PDZK1: variants seen among roughly 807,000 people sequenced by gnomAD.
The protein encoded by PDZK1 is PDZ domain containing 1, also known as Na(+)/H(+) exchange regulatory cofactor NHE-RF3.
Under a neutral mutation model 38.1 loss-of-function variants are expected in PDZK1, and 23 were observed. That is an observed-to-expected ratio of 0.60 (90% CI 0.43 to 0.85). The LOEUF (loss-of-function observed/expected upper bound fraction) is 0.85. Ranked by LOEUF, PDZK1 falls within the 40% of genes least tolerant of loss-of-function variation. The pLI, the probability that PDZK1 is intolerant of heterozygous loss-of-function variation, is 0.00. For synonymous variants in PDZK1, 98 were observed against 186.2 expected (o/e 0.53, Z 3.86); for missense variants, 297 against 504.3 (o/e 0.59, Z 3.94).
chr1:145,675,162 A>G (rs1653522431), intron 6 of PDZK1, among the ~76,000 whole-genome samples: 1 of 150,386 alleles, frequency 6.6e-6, no homozygotes, highest in African/African-American at 2.5e-5. Flanking sequence ...TAAAGAAATG[A>G]TGATCTTGAA....
At chr1:145,679,997 A>G (rs1403268802) in intron 5 of PDZK1, among the ~76,000 whole-genome samples, 8 of 152,168 alleles carry the variant, frequency 5.3e-5, no homozygotes, top group African/African-American at 2.4e-5. Context: ...AGCTCTGTCT[A>G]CTTTCCCAAA....
Position 145,682,597 on chromosome 1 carries a change from C to T in PDZK1, c.500G>A (p.Gly167Asp). 1 of 1,611,804 alleles carries T rather than the reference C, an allele frequency of 6.2e-7. No individual in the cohort carries two copies. The highest frequency in any genetic ancestry group is 8.5e-7 in the Non-Finnish European group (1 of 1,179,826). ...GVYMTDITPQGVAMRAGVLAD... is the reference protein window; with the variant it reads ...GVYMTDITPQDVAMRAGVLAD... ...CAGAACTCCAGCTCTCATAGCCACA[C>T]CTTGAGGTGTAATATCAGTCATGTA... Residue 167 changes from glycine to aspartate, a missense_variant, in exon 4 of 9, where the codon GGT (glycine) becomes GAT (aspartate). Coordinates refer to ENST00000417171, the MANE Select transcript of PDZK1 (RefSeq NM_001201325.2).
At chr1:145,682,767 C>G in intron 3 of PDZK1, 131 bp from the exon 4 acceptor site, 5 of 1,223,752 alleles carry the variant, frequency 4.1e-6, no homozygotes, top group Middle Eastern at 2.8e-4. Flanking sequence ...ATTTACTGTC[C>G]CTAGTCTAAG....
At chr1:145,703,950 T>C (rs1656110120) in intron 1 of PDZK1, among the ~76,000 whole-genome samples, 1 of 152,040 alleles carries the variant, frequency 6.6e-6, no homozygotes, top group Non-Finnish European at 1.5e-5. Context: ...TGCCTCAGCC[T>C]CCTGAGAAGC....
In PDZK1 at chr1:145,687,123, G is replaced by A. The variant is rs181080902; in HGVS notation, c.211-397C>T. Among the ~76,000 whole-genome samples the A allele has an allele frequency of 5.7e-3, 873 of 152,136 alleles. 4 individuals are homozygous for A. The highest frequency in any genetic ancestry group is 0.01 in the Middle Eastern group (3 of 294). On this transcript the variant is annotated intron_variant, in intron 2 of 8. Transcript: ENST00000417171. The stretch of plus-strand genomic sequence containing the variant: ...CAGACTCTCCCATATATCCTCAGCA[G>A]GAACATGTTAGCAAGCTAAGATATC...
chr1:145,704,542 A>C (rs1553705429), intron 1 of PDZK1, among the ~76,000 whole-genome samples: 1 of 152,144 alleles, frequency 6.6e-6, no homozygotes, highest in Non-Finnish European at 1.5e-5. Flanking sequence ...AACTTCCGGA[A>C]CTAGGTTCTA....
chr1:145,700,767 C>T (rs74119450), intron 1 of PDZK1, among the ~76,000 whole-genome samples: 4,786 of 152,250 alleles, frequency 0.031, 234 homozygotes, highest in African/African-American at 0.11. Context: ...ATATAGTCAT[C>T]TACACCTGAA....
At chr1:145,700,085 G>T (rs1655874465) in intron 1 of PDZK1, among the ~76,000 whole-genome samples, 1 of 152,128 alleles carries the variant, frequency 6.6e-6, no homozygotes. Context: ...TTTTCTTTTT[G>T]CAGAAGACAG....
chr1:145,694,641 G>A (rs1263633470), intron 1 of PDZK1, among the ~76,000 whole-genome samples: 4 of 152,126 alleles, frequency 2.6e-5, no homozygotes, highest in Admixed American at 6.5e-5. Flanking sequence ...GCTCACACCT[G>A]TAATCCCAGC....
intron 6 of PDZK1, among the ~76,000 whole-genome samples, chr1:145,675,254 CAATT>C (rs1553699074): frequency 1.4e-5 from 2 of 146,700 alleles, no homozygotes; most frequent in African/African-American, 5.2e-5. Context: ...TTAGTTGAGA[CAATT>C]AGAAGGGTGG....
At chr1:145,697,093 C>T (rs138510646) in intron 1 of PDZK1, among the ~76,000 whole-genome samples, 1 of 152,174 alleles carries the variant, frequency 6.6e-6, no homozygotes, top group Non-Finnish European at 1.5e-5. Context: ...TTTGGGAGGC[C>T]GAGGCGGGTA....
chr1:145,677,728 A>G lies in PDZK1; in HGVS notation c.990+721T>C, dbSNP rs1365149411. On this transcript the variant is annotated intron_variant, in intron 6 of 8. Coordinates refer to ENST00000417171, the MANE Select transcript of PDZK1 (RefSeq NM_001201325.2). ...TCCTAATCTATGAGGAGGGCCTAAG[A>G]TATCACCACCCATCATATTCCCCCC... is the stretch of plus-strand genomic sequence containing the variant. 5.5e-4 allele frequency among the ~76,000 whole-genome samples: 82 copies of G among 148,040 alleles called. 1 individual carries two copies. Among genetic ancestry groups the G allele is most frequent in the African/African-American group, 1.8e-3 (73 of 40,004 alleles).
intron 6 of PDZK1, among the ~76,000 whole-genome samples, chr1:145,675,872 G>T (rs587776190): frequency 1.3e-5 from 2 of 151,920 alleles, no homozygotes; most frequent in Admixed American, 1.3e-4. Flanking sequence ...ATAAAAATTA[G>T]CCAGGTGTGG....
chr1:145,688,056 G>A (rs371254796), intron 1 of PDZK1, 33 bp from the exon 2 acceptor site: 4 of 1,557,944 alleles, frequency 2.6e-6, no homozygotes, highest in Non-Finnish European at 2.7e-6. Context: ...ATAAAACCAT[G>A]GAAAAGAGAA....
intron 1 of PDZK1, among the ~76,000 whole-genome samples, chr1:145,698,993 T>A (rs1655792924): frequency 6.6e-6 from 1 of 151,098 alleles, no homozygotes; most frequent in African/African-American, 2.4e-5. Flanking sequence ...ATCCCAGCAC[T>A]TTTGGAGGCC....
chr1:145,706,067 T>C (rs1480989681), intron 1 of PDZK1, among the ~76,000 whole-genome samples: 2 of 152,182 alleles, frequency 1.3e-5, no homozygotes, highest in Non-Finnish European at 2.9e-5. Context: ...CATTTGTACT[T>C]ATAATTTTAT....
intron 3 of PDZK1, among the ~76,000 whole-genome samples, chr1:145,684,532 A>G (rs1328191252): frequency 2.6e-5 from 4 of 152,144 alleles, no homozygotes; most frequent in East Asian, 1.9e-4. Flanking sequence ...TTATTGATAC[A>G]TAACATTTGT....
At chr1:145,706,029 C>T (rs1480239258) in intron 1 of PDZK1, among the ~76,000 whole-genome samples, 1 of 152,212 alleles carries the variant, frequency 6.6e-6, no homozygotes, top group Non-Finnish European at 1.5e-5. Context: ...GCTGGGATTA[C>T]AGGCATGAGC....
intron 3 of PDZK1, among the ~76,000 whole-genome samples, chr1:145,683,809 T>C (rs1169379411): frequency 6.6e-6 from 1 of 151,456 alleles, no homozygotes; most frequent in Admixed American, 6.6e-5. Context: ...CCTTATTAAA[T>C]CGAGAACTTT....
Sources: allele counts gnomAD v4.1 joint callset (sites outside exome capture counted in the v4.1 genomes callset), GRCh38; gene constraint gnomAD v4.1.1; transcripts MANE v1.5; gene names NCBI Gene and HGNC (gene_info 2026-07-23, HGNC 2026-07-21).